The following SAMD3 variants were observed in gnomAD, a reference collection of about 807,000 sequenced individuals.
SAMD3 encodes sterile alpha motif domain-containing protein 3.
In SAMD3, 63 loss-of-function variants were observed where a neutral mutation model predicts 58.5. The ratio of observed to expected loss-of-function variants is 1.08; its 90% CI spans 0.88 to 1.33. The LOEUF is 1.33. Ranked by LOEUF, SAMD3 falls within the 40% of genes most tolerant of loss-of-function variation. SAMD3 has a pLI of 0.00. For synonymous variants in SAMD3, 220 were observed against 210.3 expected (o/e 1.05, Z -0.40); for missense variants, 604 against 608.4 (o/e 0.99, Z 0.08).
intron 1 of SAMD3, among the ~76,000 whole-genome samples, chr6:130,348,209 T>C (rs970823345): frequency 6.6e-6 from 1 of 152,158 alleles, no homozygotes; most frequent in African/African-American, 2.4e-5. Context: ...AATGGCAGCA[T>C]CAAATTCACA....
chr6:130,328,755 A>C (rs1252945787), intron 1 of SAMD3, among the ~76,000 whole-genome samples: 1 of 152,208 alleles, frequency 6.6e-6, no homozygotes, highest in African/African-American at 2.4e-5. Flanking sequence ...CTAGTCATCC[A>C]AGTACCCAGT....
intron 1 of SAMD3, among the ~76,000 whole-genome samples, chr6:130,326,084 A>G (rs747541766): frequency 8.5e-5 from 13 of 152,158 alleles, no homozygotes; most frequent in Middle Eastern, 3.2e-3. Flanking sequence ...AATGATGAAT[A>G]TTTATCCAAT....
chr6:130,239,862 G>A (rs778898727), intron 2 of SAMD3, among the ~76,000 whole-genome samples: 1 of 152,162 alleles, frequency 6.6e-6, no homozygotes, highest in Non-Finnish European at 1.5e-5. Context: ...CACACTCACT[G>A]TGGGTTGACC....
At position 130,269,206 on chromosome 6, in the gene SAMD3, G is replaced by A. The variant is rs57104661; in HGVS notation, c.-188+43772C>T. ...TTCAATTGCTCCAGCACCATTTGTC[G>A]CAAAGGCTTTCCTTTCTCCATTGAA... On this transcript the variant is annotated intron_variant, in intron 2 of 13. Transcript: ENST00000368134. 8.2e-3 allele frequency among the ~76,000 whole-genome samples: 1,246 copies of A among 152,176 alleles called. 18 individuals are homozygous for A. Among genetic ancestry groups the A allele is most frequent in the African/African-American group, 0.029 (1,187 of 41,508 alleles).
intron 8 of SAMD3, among the ~76,000 whole-genome samples, chr6:130,155,268 C>T (rs560815007): frequency 3.9e-5 from 6 of 152,250 alleles, no homozygotes; most frequent in South Asian, 2.1e-4. Flanking sequence ...TTAATTCCTA[C>T]GTTATCCTTT....
At chr6:130,316,289 A>G (rs1349584177) in intron 1 of SAMD3, among the ~76,000 whole-genome samples, 1 of 100,964 alleles carries the variant, frequency 9.9e-6, no homozygotes, top group Non-Finnish European at 2.0e-5. Flanking sequence ...AGGCTGTCTT[A>G]AAAAAAAAAA....
chr6:130,176,450 T>G (rs1473348931), intron 7 of SAMD3, among the ~76,000 whole-genome samples: 1 of 152,216 alleles, frequency 6.6e-6, no homozygotes, highest in Non-Finnish European at 1.5e-5. Context: ...CTTTTGAAAT[T>G]TGTTTTGATG....
chr6:130,241,154 G>A (rs1429348216), intron 2 of SAMD3, among the ~76,000 whole-genome samples: 1 of 150,670 alleles, frequency 6.6e-6, no homozygotes, highest in Non-Finnish European at 1.5e-5. Context: ...TCTAGAAACA[G>A]CTTTAGCTGA....
At chr6:130,350,672 C>G in intron 1 of SAMD3, among the ~76,000 whole-genome samples, 1 of 152,144 alleles carries the variant, frequency 6.6e-6, no homozygotes, top group Non-Finnish European at 1.5e-5. Context: ...GATTCAATGC[C>G]ATTCCCATCA....
At chr6:130,344,739 A>C (rs1463256219) in intron 1 of SAMD3, among the ~76,000 whole-genome samples, 1 of 149,660 alleles carries the variant, frequency 6.7e-6, no homozygotes, top group Admixed American at 6.7e-5. Context: ...CACTCACCCC[A>C]ATATATGCAT....
At chr6:130,185,628 A>ATTT (rs1224222250) in intron 5 of SAMD3, among the ~76,000 whole-genome samples, 3 of 132,376 alleles carry the variant, frequency 2.3e-5, no homozygotes. Context: ...CATCTGCCCA[A>ATTT]TTTTTTTTTT....
chr6:130,365,349 C>A (rs932854846), exon 1 of SAMD3: 14 of 985,346 alleles, frequency 1.4e-5, no homozygotes, highest in African/African-American at 1.8e-5. Context: ...TGGTTCTCGC[C>A]CCCCCAAGCC....
intron 7 of SAMD3, chr6:130,183,336 CAAAAA>C: frequency 2.6e-6 from 1 of 384,160 alleles, no homozygotes; most frequent in Non-Finnish European, 4.9e-6. Context: ...GACTCCGTCT[CAAAAA>C]AAAAAAAAGG....
chr6:130,286,541 C>CT (rs539187734), intron 2 of SAMD3, among the ~76,000 whole-genome samples: 3 of 152,070 alleles, frequency 2.0e-5, no homozygotes, highest in South Asian at 2.1e-4. Context: ...AATTTTCTCT[C>CT]TTTTTTTGTG....
intron 9 of SAMD3, among the ~76,000 whole-genome samples, chr6:130,149,321 T>G (rs1788920765): frequency 6.6e-6 from 1 of 152,210 alleles, no homozygotes; most frequent in Non-Finnish European, 1.5e-5. Flanking sequence ...GTTTGGAGAT[T>G]TCTCAAAGAA....
At chr6:130,272,331 A>T (rs1338017802) in intron 2 of SAMD3, among the ~76,000 whole-genome samples, 2 of 152,204 alleles carry the variant, frequency 1.3e-5, no homozygotes, top group Non-Finnish European at 2.9e-5. Context: ...GAATTCAAGC[A>T]TGGCTAAAAT....
chr6:130,154,940 C>T lies in SAMD3; in HGVS notation c.908G>A (p.Arg303Lys), dbSNP rs1281975479. The change falls in exon 9 of 12, where the codon AGA becomes AAA. Residue 303 changes from arginine (R) to lysine (K), a missense_variant. Arg to Lys is a conservative substitution (Grantham distance 26). Transcript: ENST00000439090. ...QEYVKTEKDWREIDKRMSQTL... is the reference protein window; with the variant it reads ...QEYVKTEKDWKEIDKRMSQTL... ...TTGGCTCATTCTCTTGTCAATTTCT[C>T]TCCAGTCCTTTTCTGTTTTCACGTA... 6.2e-7 allele frequency: 1 copy of T among 1,613,364 alleles called. No individual in the cohort carries two copies. The highest frequency in any genetic ancestry group is 1.3e-5 in the African/African-American group (1 of 74,846).
intron 1 of SAMD3, among the ~76,000 whole-genome samples, chr6:130,340,589 A>G (rs886836818): frequency 3.3e-5 from 5 of 152,244 alleles, no homozygotes; most frequent in African/African-American, 9.6e-5. Flanking sequence ...TTGAGGAGCC[A>G]TTGCTCTTAT....
At chr6:130,316,108 T>G (rs1776359276) in intron 1 of SAMD3, among the ~76,000 whole-genome samples, 1 of 152,024 alleles carries the variant, frequency 6.6e-6, no homozygotes, top group Admixed American at 6.6e-5. Context: ...CTGGCCAACC[T>G]GGCAAAACCC....
Sources: allele counts gnomAD v4.1 joint callset (sites outside exome capture counted in the v4.1 genomes callset), GRCh38; gene constraint gnomAD v4.1.1; transcripts MANE v1.5; gene names NCBI Gene and HGNC (gene_info 2026-07-23, HGNC 2026-07-21).